The following BCAS3 variants were observed in gnomAD, a reference collection of about 807,000 sequenced individuals.
BCAS3 encodes BCAS4/BCAS3 fusion.
Under a neutral mutation model 116.1 loss-of-function variants are expected in BCAS3, and 53 were observed. The ratio of observed to expected loss-of-function variants is 0.46; its 90% confidence interval spans 0.37 to 0.57. BCAS3 has a LOEUF of 0.57. BCAS3 is among the 20% of genes least tolerant of loss of function. BCAS3 has a pLI of 0.00. For synonymous variants in BCAS3, 391 were observed against 408.2 expected, an observed-to-expected ratio of 0.96 and a Z score of 0.51; for missense variants, 917 against 1,165.4, an observed-to-expected ratio of 0.79 and a Z score of 3.10.
intron 6 of BCAS3, among the ~76,000 whole-genome samples, chr17:60,756,656 T>C (rs2043015407): frequency 6.6e-6 from 1 of 152,218 alleles, no homozygotes; most frequent in Non-Finnish European, 1.5e-5. Flanking sequence ...TACCACATTT[T>C]CTTTATTTAT....
rs1418637625 is a variant in BCAS3 at position 61,368,782 on chromosome 17, T to A, written c.2593+288T>A. Among the ~76,000 whole-genome samples, 4 of 152,166 alleles carry A rather than the reference T, an allele frequency of 2.6e-5. No homozygotes were observed. Among genetic ancestry groups the A allele is most frequent in the Non-Finnish European group, 5.9e-5 (4 of 68,036 alleles). On this transcript the variant is annotated intron_variant, in intron 23 of 23. Coordinates refer to ENST00000407086, the MANE Select transcript of BCAS3 (RefSeq NM_017679.5). The surrounding 1 kb of genome is among the most constrained non-coding windows in gnomAD (Gnocchi z 6.0). The stretch of plus-strand genomic sequence containing the variant: ...AGGACACTTTCCTCCTTTGGGGGTG[T>A]CCCCACGTCTTCCAGCAGCGCTCAG...
intron 14 of BCAS3, among the ~76,000 whole-genome samples, chr17:60,984,946 G>T (rs1022200160): frequency 5.5e-5 from 8 of 144,554 alleles, no homozygotes; most frequent in African/African-American, 1.8e-4. Context: ...GGAGACAGAG[G>T]TTGCAGTGAG....
At chr17:60,768,489 C>T (rs916413293) in intron 6 of BCAS3, among the ~76,000 whole-genome samples, 7 of 152,216 alleles carry the variant, frequency 4.6e-5, no homozygotes, top group African/African-American at 1.7e-4. Context: ...ACATCGGACT[C>T]CAGGTTCTTC....
chr17:61,363,155 A>G lies in BCAS3; in HGVS notation c.2426-5172A>G, dbSNP rs924077003. Among the ~76,000 whole-genome samples the G allele has an allele frequency of 6.6e-6, 1 of 152,212 alleles. No homozygotes were observed. Among genetic ancestry groups the G allele is most frequent in the East Asian group, 1.9e-4 (1 of 5,198 alleles). On this transcript the variant is annotated intron_variant, in intron 22 of 23. Transcript: ENST00000407086. The surrounding 1 kb of genome is among the most constrained non-coding windows in gnomAD (Gnocchi z 4.9). ...GAAATAAGGCCACAGGAATGATCTA[A>G]TTAACCTGGGGTCCACAGGTGGGTT...
intron 22 of BCAS3, among the ~76,000 whole-genome samples, chr17:61,182,682 C>G (rs1316642335): frequency 6.6e-6 from 1 of 152,208 alleles, no homozygotes; most frequent in Non-Finnish European, 1.5e-5. Context: ...CTCCCCAACC[C>G]TACGCAGTCA....
intron 7 of BCAS3, among the ~76,000 whole-genome samples, chr17:60,856,643 A>G (rs916932177): frequency 2.6e-5 from 4 of 152,080 alleles, no homozygotes; most frequent in African/African-American, 9.7e-5. Context: ...GTGAGCCAAG[A>G]TCCAGCTACC....
intron 22 of BCAS3, among the ~76,000 whole-genome samples, chr17:61,322,834 G>GAGAGAGAGAGAGAC (rs1568850624): frequency 4.5e-4 from 59 of 131,808 alleles, no homozygotes; most frequent in African/African-American, 6.4e-4. Context: ...GAGAGACAGA[G>GAGAGAGAGAGAGAC]AGAGAGAGAG....
In BCAS3 at chr17:60,943,636, A is replaced by G. The variant is rs80170596; in HGVS notation, c.1088-3583A>G. 1.5e-3 allele frequency among the ~76,000 whole-genome samples: 231 copies of G among 152,228 alleles called. 1 individual carries two copies. Among genetic ancestry groups the G allele is most frequent in the East Asian group, 3.5e-3 (18 of 5,182 alleles). On this transcript the variant is annotated intron_variant, in intron 13 of 23. Coordinates refer to ENST00000407086, the MANE Select transcript of BCAS3 (RefSeq NM_017679.5). ...TGGAGACTGTAACTCCTACTCAGTA[A>G]TGGAACAGAAAGCAGTCAGTCAGTA...
In BCAS3 at chr17:60,889,694, G is replaced by A; in HGVS notation, c.662-1G>A. The A allele has an allele frequency of 6.2e-7, 1 of 1,612,436 alleles. No homozygotes were observed. Among genetic ancestry groups the A allele is most frequent in the Non-Finnish European group, 8.5e-7 (1 of 1,179,300 alleles). Reference sequence around the variant, plus strand: ...CAATAGTGCCATTTGAAATTTTTCAGGCTGCTATCCATGTCCAGGGCCAAA... The same window carrying A: ...CAATAGTGCCATTTGAAATTTTTCAAGCTGCTATCCATGTCCAGGGCCAAA... On this transcript the variant is annotated splice_acceptor_variant, in intron 9 of 23. Transcript: ENST00000407086. LOFTEE classifies it high-confidence loss of function.
chr17:61,287,771 G>T (rs1298989784), intron 22 of BCAS3, among the ~76,000 whole-genome samples: 1 of 152,016 alleles, frequency 6.6e-6, no homozygotes, highest in Non-Finnish European at 1.5e-5. Context: ...AGCCAAAAAA[G>T]TACACTTATT....
At chr17:61,221,208 A>G (rs186088325) in intron 22 of BCAS3, among the ~76,000 whole-genome samples, 1 of 152,248 alleles carries the variant, frequency 6.6e-6, no homozygotes, top group African/African-American at 2.4e-5. Context: ...TTTCAGGGAC[A>G]TGGAAACAGT....
intron 8 of BCAS3, among the ~76,000 whole-genome samples, chr17:60,873,639 A>C (rs2055327536): frequency 6.6e-6 from 1 of 152,132 alleles, no homozygotes; most frequent in South Asian, 2.1e-4. Flanking sequence ...ATTATCTGTA[A>C]ATCTTGGGCA....
rs959838212 is a variant in BCAS3, at chr17:61,355,712, A to T, written c.2426-12615A>T. ...GTATAAAGTAGCTATGCCTGATGCAAAGTGGACACCCGACAAATGTTAGTT... is the reference window on the plus strand; with the variant it reads ...GTATAAAGTAGCTATGCCTGATGCATAGTGGACACCCGACAAATGTTAGTT... On this transcript the variant is annotated intron_variant, in intron 22 of 23. Coordinates refer to ENST00000407086, the MANE Select transcript of BCAS3 (RefSeq NM_017679.5). The surrounding 1 kb of genome is among the most constrained non-coding windows in gnomAD (Gnocchi z 4.2). 6.6e-6 allele frequency among the ~76,000 whole-genome samples: 1 copy of T among 152,248 alleles called. No homozygotes were observed. The highest frequency in any genetic ancestry group is 2.1e-4 in the South Asian group (1 of 4,830).
At position 61,374,459 on chromosome 17, in the gene BCAS3, C is replaced by G. The variant is rs538723816; in HGVS notation, c.2593+5965C>G. Among the ~76,000 whole-genome samples the G allele has an allele frequency of 2.6e-5, 4 of 152,384 alleles. No homozygotes were observed. In the South Asian group the frequency reaches 6.2e-4, roughly 24 times the overall value. ...GTGTTGGGATTACAGGCATGAGCCACTGCACCCGGCCTGCTGTTGACTCTT... is the reference window on the plus strand; with the variant it reads ...GTGTTGGGATTACAGGCATGAGCCAGTGCACCCGGCCTGCTGTTGACTCTT... On this transcript the variant is annotated intron_variant, in intron 23 of 23. Coordinates refer to ENST00000407086, the MANE Select transcript of BCAS3 (RefSeq NM_017679.5).
At chr17:61,210,432 T>C (rs951224650) in intron 22 of BCAS3, among the ~76,000 whole-genome samples, 1 of 152,216 alleles carries the variant, frequency 6.6e-6, no homozygotes, top group Non-Finnish European at 1.5e-5. Context: ...TATGAGATGA[T>C]ATCCAGAACT....
At position 61,348,754 on chromosome 17, in the gene BCAS3, CTTTT is replaced by C. The variant is rs34911740; in HGVS notation, c.2426-19560_2426-19557del. Among the ~76,000 whole-genome samples, 1 of 134,980 alleles carries C rather than the reference CTTTT, an allele frequency of 7.4e-6. No individual in the cohort carries two copies. Among genetic ancestry groups the C allele is most frequent in the African/African-American group, 2.8e-5 (1 of 36,272 alleles). The allele number at this position is 134,980 out of a possible 152,430, so 88.6% of individuals were successfully genotyped here. A position where few individuals can be genotyped will look rare whatever the true frequency, so the allele number is the denominator to read the frequency against. The stretch of plus-strand genomic sequence containing the variant: ...TCTTGCAACCTCTTGGGCAGAGATT[CTTTT>C]TTTTTTTTTTTTGAAACAGAGTCTC... On this transcript the variant is annotated intron_variant, in intron 22 of 23. Transcript: ENST00000407086. The surrounding 1 kb of genome is among the most constrained non-coding windows in gnomAD (Gnocchi z 4.5).
chr17:61,257,712 A>C (rs2048897111), intron 22 of BCAS3, among the ~76,000 whole-genome samples: 1 of 152,192 alleles, frequency 6.6e-6, no homozygotes, highest in Non-Finnish European at 1.5e-5. Context: ...GGATCAATCA[A>C]ATAATTCAAA....
At chr17:60,823,375 CTT>C (rs2050120689) in intron 7 of BCAS3, among the ~76,000 whole-genome samples, 1 of 151,988 alleles carries the variant, frequency 6.6e-6, no homozygotes, top group Admixed American at 6.6e-5. Flanking sequence ...GGGGAAAAAA[CTT>C]TAATCATTTT....
chr17:61,329,343 A>ATTATTTTTTTTTTTTT (rs1555831750), intron 22 of BCAS3, among the ~76,000 whole-genome samples: 1 of 131,280 alleles, frequency 7.6e-6, no homozygotes, highest in African/African-American at 2.9e-5. Flanking sequence ...TATTATTATT[A>ATTATTTTTTTTTTTTT]TTTTTTTTTT....
Sources: allele counts gnomAD v4.1 joint callset (sites outside exome capture counted in the v4.1 genomes callset), GRCh38; gene constraint gnomAD v4.1.1; non-coding constraint Gnocchi (gnomAD v3.1); transcripts MANE v1.5; gene names NCBI Gene and HGNC (gene_info 2026-07-23, HGNC 2026-07-21).